Variants in TASP1 observed in about 807,000 individuals in gnomAD.
TASP1 encodes the protein taspase 1.
TASP1 carries 16 observed loss-of-function variants against 56.6 expected under a neutral mutation model. The ratio of observed to expected loss-of-function variants is 0.28; its 90% CI spans 0.19 to 0.43. The LOEUF (loss-of-function observed/expected upper bound fraction) is 0.43, where lower values mean the gene tolerates loss of function less well. Ranked by LOEUF, TASP1 falls within the 20% of genes least tolerant of loss-of-function variation. TASP1 has a pLI of 1.00. For missense variants in TASP1, 393 were observed against 511.6 expected, an observed-to-expected ratio of 0.77 and a Z score of 2.24; for synonymous variants, 179 against 184.2, an observed-to-expected ratio of 0.97 and a Z score of 0.23.
chr20:13,499,463 T>TA (rs61471647), intron 10 of TASP1, among the ~76,000 whole-genome samples: 56,840 of 142,460 alleles, frequency 0.4, 11,978 homozygotes, highest in Non-Finnish European at 0.49. Context: ...GAAATCTCTT[T>TA]AAAAAAAAAA....
At chr20:13,254,313 T>C in the TASP1 span, among the ~76,000 whole-genome samples, 1 of 151,874 alleles carries the variant, frequency 6.6e-6, no homozygotes, top group East Asian at 1.9e-4. Context: ...ACCATATACA[T>C]ATACTTTAAA....
chr20:13,604,265 G>A (rs981414965), intron 4 of TASP1, among the ~76,000 whole-genome samples: 9 of 152,102 alleles, frequency 5.9e-5, no homozygotes, highest in African/African-American at 2.2e-4. Context: ...CTGGGTCATG[G>A]GGGCGGATAC....
At chr20:13,142,027 G>A in the TASP1 span, among the ~76,000 whole-genome samples, 1 of 152,136 alleles carries the variant, frequency 6.6e-6, no homozygotes, top group African/African-American at 2.4e-5. Flanking sequence ...TAGTTAAGAG[G>A]GAAAGTTTGC....
chr20:13,356,859 C>A, the TASP1 span, among the ~76,000 whole-genome samples: 5 of 151,974 alleles, frequency 3.3e-5, no homozygotes, highest in Non-Finnish European at 5.9e-5. Flanking sequence ...AGTAATAAAC[C>A]CAGCTTGAAT....
chr20:13,255,614 G>A, the TASP1 span, among the ~76,000 whole-genome samples: 1 of 152,170 alleles, frequency 6.6e-6, no homozygotes, highest in African/African-American at 2.4e-5. Flanking sequence ...TGCAGGTAGA[G>A]TAGACAGAAA....
chr20:13,588,494 A>C (rs961594792), intron 4 of TASP1, among the ~76,000 whole-genome samples: 16 of 152,218 alleles, frequency 1.1e-4, no homozygotes, highest in Admixed American at 9.2e-4. Context: ...TATGAGATTA[A>C]TGTGCAAAAA....
At chr20:13,493,740 A>G (rs2043624116) in intron 10 of TASP1, among the ~76,000 whole-genome samples, 1 of 152,170 alleles carries the variant, frequency 6.6e-6, no homozygotes, top group Non-Finnish European at 1.5e-5. Flanking sequence ...TCCCTTTCAT[A>G]TACATAAATA....
At chr20:13,271,168 C>T in the TASP1 span, among the ~76,000 whole-genome samples, 3 of 152,342 alleles carry the variant, frequency 2.0e-5, no homozygotes, top group Admixed American at 1.3e-4. Context: ...AATATGAGTT[C>T]AAAGCACTCA....
the TASP1 span, among the ~76,000 whole-genome samples, chr20:13,373,628 T>C: frequency 6.6e-6 from 1 of 152,146 alleles, no homozygotes; most frequent in African/African-American, 2.4e-5. Context: ...TTGTTCATTT[T>C]ATTGGGGTTC....
intron 4 of TASP1, among the ~76,000 whole-genome samples, chr20:13,604,609 C>G (rs974025297): frequency 6.6e-6 from 1 of 152,152 alleles, no homozygotes; most frequent in Admixed American, 6.5e-5. Context: ...GTTCCTACAG[C>G]TATCACAATA....
chr20:13,473,037 C>T (rs34628476), intron 11 of TASP1, among the ~76,000 whole-genome samples: 8,403 of 150,906 alleles, frequency 0.056, 345 homozygotes, highest in African/African-American at 0.11. Flanking sequence ...CACATGCACA[C>T]ATACGTTTAT....
At chr20:13,471,875 T>G (rs1169276567) in intron 11 of TASP1, among the ~76,000 whole-genome samples, 1 of 152,170 alleles carries the variant, frequency 6.6e-6, no homozygotes, top group Admixed American at 6.5e-5. Context: ...CGGCATCGCC[T>G]CATCCAGGAA....
the TASP1 span, among the ~76,000 whole-genome samples, chr20:13,223,085 C>T: frequency 6.6e-6 from 1 of 151,900 alleles, no homozygotes; most frequent in Non-Finnish European, 1.5e-5. Flanking sequence ...ATTGCTTGAA[C>T]CCGGGAGGTT....
At chr20:13,131,138 G>T in the TASP1 span, among the ~76,000 whole-genome samples, 3 of 152,080 alleles carry the variant, frequency 2.0e-5, no homozygotes, top group East Asian at 5.8e-4. Flanking sequence ...CCCTGAGAAA[G>T]CATTGTCAAA....
chr20:13,428,484 A>T (rs2146138856), intron 12 of TASP1, among the ~76,000 whole-genome samples: 1 of 152,324 alleles, frequency 6.6e-6, no homozygotes, highest in African/African-American at 2.4e-5. Context: ...ATGTAATTGT[A>T]CTTCAGCAGG....
chr20:13,355,210 A>C, the TASP1 span, among the ~76,000 whole-genome samples: 1 of 152,182 alleles, frequency 6.6e-6, no homozygotes, highest in Non-Finnish European at 1.5e-5. Context: ...GGAAGGGGTA[A>C]GGCCCTTGCT....
At chr20:13,582,879 A>G (rs998544841) in intron 5 of TASP1, among the ~76,000 whole-genome samples, 1 of 152,156 alleles carries the variant, frequency 6.6e-6, no homozygotes, top group African/African-American at 2.4e-5. Flanking sequence ...CAGCTAGCAC[A>G]ATAGGTAAGC....
chr20:13,221,789 G>C, the TASP1 span: 1 of 1,451,480 alleles, frequency 6.9e-7, no homozygotes, highest in Non-Finnish European at 9.0e-7. Flanking sequence ...GGTGCGCCTG[G>C]CGGCCGAGCT....
intron 4 of TASP1, among the ~76,000 whole-genome samples, chr20:13,609,651 G>A (rs2147424220): frequency 7.1e-6 from 1 of 141,798 alleles, no homozygotes; most frequent in East Asian, 2.0e-4. Flanking sequence ...CGGCGCCATT[G>A]CTCCAGCCTG....
Sources: allele counts gnomAD v4.1 joint callset (sites outside exome capture counted in the v4.1 genomes callset), GRCh38; gene constraint gnomAD v4.1.1; transcripts MANE v1.5; gene names NCBI Gene and HGNC (gene_info 2026-07-23, HGNC 2026-07-21).